Variants in VPS13B observed in about 807,000 individuals in gnomAD.
The protein encoded by VPS13B is vacuolar protein sorting 13 homolog B, also known as intermembrane lipid transfer protein VPS13B.
Under a neutral mutation model 426.4 loss-of-function variants are expected in VPS13B, and 285 were observed. The observed-to-expected ratio is 0.67, with a 90% CI of 0.61 to 0.74. The LOEUF (loss-of-function observed/expected upper bound fraction) is 0.74, where lower values mean the gene tolerates loss of function less well. VPS13B is among the 30% of genes least tolerant of loss of function. VPS13B has a pLI of 0.00. For missense variants in VPS13B, 4,537 were observed against 4,782.6 expected (o/e 0.95, Z 1.51); for synonymous variants, 1,676 against 1,676.4 (o/e 1.00, Z 0.01).
At chr8:99,101,984 A>T (rs1846778307) in intron 4 of VPS13B, among the ~76,000 whole-genome samples, 2 of 151,718 alleles carry the variant, frequency 1.3e-5, no homozygotes, top group Non-Finnish European at 2.9e-5. Context: ...GAAAAGATTA[A>T]TTTTTTTTTC....
At chr8:99,282,493 A>G (rs1427629523) in intron 19 of VPS13B, among the ~76,000 whole-genome samples, 3 of 152,166 alleles carry the variant, frequency 2.0e-5, no homozygotes, top group African/African-American at 7.2e-5. Context: ...TACATATTTT[A>G]TATGTCTACA....
intron 43 of VPS13B, among the ~76,000 whole-genome samples, chr8:99,798,416 A>G (rs1812963468): frequency 6.6e-6 from 1 of 152,146 alleles, no homozygotes; most frequent in Admixed American, 6.5e-5. Context: ...TTCTACCTAA[A>G]TCAGAGGCAG....
At chr8:99,520,656 T>C (rs1055814409) in intron 29 of VPS13B, among the ~76,000 whole-genome samples, 2 of 152,058 alleles carry the variant, frequency 1.3e-5, no homozygotes, top group Non-Finnish European at 2.9e-5. Context: ...AGTGGAGTTG[T>C]TTTTCTTTTC....
chr8:99,666,273 G>A (rs1342451314), intron 35 of VPS13B, among the ~76,000 whole-genome samples: 3 of 152,108 alleles, frequency 2.0e-5, no homozygotes, highest in South Asian at 2.1e-4. Flanking sequence ...ATTCCAATCA[G>A]TAGAAAAACA....
At chr8:99,804,129 G>T in intron 43 of VPS13B, 1 of 152,386 alleles carries the variant, frequency 6.6e-6, no homozygotes, top group South Asian at 2.0e-4. Context: ...GAGTTTATTT[G>T]GACAGACCTG....
intron 8 of VPS13B, among the ~76,000 whole-genome samples, chr8:99,122,850 C>T (rs1588062749): frequency 1.3e-5 from 2 of 151,842 alleles, no homozygotes; most frequent in Admixed American, 6.6e-5. Flanking sequence ...TGGTGGCTCA[C>T]GCCTGTAATC....
At chr8:99,121,785 T>C (rs1847949864) in intron 8 of VPS13B, 3 of 222,178 alleles carry the variant, frequency 1.4e-5, no homozygotes, top group Non-Finnish European at 2.6e-5. Context: ...TTCTTTTACC[T>C]GTCAGGTACG....
At chr8:99,845,338 C>G (rs1292895244) in intron 54 of VPS13B, among the ~76,000 whole-genome samples, 1 of 152,088 alleles carries the variant, frequency 6.6e-6, no homozygotes, top group East Asian at 1.9e-4. Flanking sequence ...GTATCTTCCC[C>G]CTTGTAACTA....
At chr8:99,131,532 C>T (rs1299171791) in intron 8 of VPS13B, among the ~76,000 whole-genome samples, 2 of 152,046 alleles carry the variant, frequency 1.3e-5, no homozygotes, top group African/African-American at 2.4e-5. Flanking sequence ...AGCAATAAAG[C>T]GAGTCACAGA....
At chr8:99,402,437 G>A (rs1815088175) in intron 21 of VPS13B, among the ~76,000 whole-genome samples, 1 of 152,160 alleles carries the variant, frequency 6.6e-6, no homozygotes, top group African/African-American at 2.4e-5. Context: ...GTCGGGACTG[G>A]AACAGAACTT....
chr8:99,478,462 T>TTTTTTTTTTTTTTTTTTTTTTTTTTG (rs1819849687), intron 24 of VPS13B, among the ~76,000 whole-genome samples: 1 of 123,496 alleles, frequency 8.1e-6, no homozygotes, highest in Non-Finnish European at 1.6e-5. Flanking sequence ...TTTTTTTTTT[T>TTTTTTTTTTTTTTTTTTTTTTTTTTG]TTTGTTTTTT....
intron 35 of VPS13B, among the ~76,000 whole-genome samples, chr8:99,672,067 T>C (rs1432099032): frequency 6.6e-6 from 1 of 152,220 alleles, no homozygotes; most frequent in East Asian, 1.9e-4. Flanking sequence ...TGCTTCTAGC[T>C]TTGTTCCTTT....
At position 99,029,176 on chromosome 8, in the gene VPS13B, G is replaced by A. The variant is rs1045947730; in HGVS notation, c.148-9247G>A. 2.7e-5 allele frequency among the ~76,000 whole-genome samples: 4 copies of A among 147,944 alleles called. No individual in the cohort carries two copies. The East Asian group carries it at 6.2e-4, about 23-fold the overall frequency. On this transcript the variant is annotated intron_variant, in intron 2 of 61. Coordinates refer to ENST00000357162, the MANE Select transcript of VPS13B (RefSeq NM_152564.5). ...CAGAGGTGCTCCCCACATCTCAGACGATGGGCGGCCGGGCAGAAACGCTCC... is the reference window on the plus strand; with the variant it reads ...CAGAGGTGCTCCCCACATCTCAGACAATGGGCGGCCGGGCAGAAACGCTCC...
intron 23 of VPS13B, among the ~76,000 whole-genome samples, chr8:99,466,741 G>A (rs542704550): frequency 2.2e-4 from 34 of 152,072 alleles, no homozygotes; most frequent in East Asian, 5.8e-4. Flanking sequence ...ATGCTGGGTC[G>A]TACCATCAGA....
intron 33 of VPS13B, among the ~76,000 whole-genome samples, chr8:99,581,865 AGCTCGCT>A (rs1444363298): frequency 6.6e-6 from 1 of 152,226 alleles, no homozygotes; most frequent in Non-Finnish European, 1.5e-5. Context: ...TTCCTTATCT[AGCTCGCT>A]GCGATAGTTC....
chr8:99,265,849 C>T (rs1818265961), intron 17 of VPS13B, among the ~76,000 whole-genome samples: 2 of 152,204 alleles, frequency 1.3e-5, no homozygotes, highest in Admixed American at 1.3e-4. Flanking sequence ...CTCATTGCTA[C>T]TTGTTCATCA....
chr8:99,101,229 T>C (rs1846723985), intron 4 of VPS13B, among the ~76,000 whole-genome samples: 1 of 152,144 alleles, frequency 6.6e-6, no homozygotes, highest in Non-Finnish European at 1.5e-5. Flanking sequence ...CCTCCTGGGT[T>C]CACACCATCC....
rs1385702172 is a variant in VPS13B, at chr8:99,365,495, A to T, written c.2825-18713A>T. ...TATTATTTGTTTCAAGAAATTTTCC[A>T]ATTTTCTTCTTCTTCTTCTTCTTTT... On this transcript the variant is annotated intron_variant, in intron 19 of 61. Transcript: ENST00000357162. Among the ~76,000 whole-genome samples the T allele has an allele frequency of 4.2e-5, 5 of 118,482 alleles. No individual in the cohort carries two copies. In the East Asian group the frequency reaches 6.8e-4, roughly 16 times the overall value. The allele number at this position is 118,482 out of a possible 152,430, so 77.7% of individuals were successfully genotyped here. A position where few individuals can be genotyped will look rare whatever the true frequency, so the allele number is the denominator to read the frequency against.
intron 14 of VPS13B, among the ~76,000 whole-genome samples, chr8:99,154,907 G>T (rs1563572155): frequency 2.0e-5 from 3 of 151,370 alleles, no homozygotes; most frequent in Admixed American, 6.6e-5. Flanking sequence ...AAATTATGAG[G>T]TATACTAAAA....
Sources: allele counts gnomAD v4.1 joint callset (sites outside exome capture counted in the v4.1 genomes callset), GRCh38; gene constraint gnomAD v4.1.1; transcripts MANE v1.5; gene names NCBI Gene and HGNC (gene_info 2026-07-23, HGNC 2026-07-21).